The following KIFC1 variants were observed in gnomAD, a reference collection of about 807,000 sequenced individuals.
KIFC1 encodes kinesin-like protein KIFC1.
In KIFC1, 37 loss-of-function variants were observed where a neutral mutation model predicts 66.6. That is an observed-to-expected ratio of 0.56 (90% CI 0.43 to 0.73). KIFC1 has a LOEUF of 0.73. Ranked by LOEUF, KIFC1 falls within the 30% of genes least tolerant of loss-of-function variation. The pLI is 0.00. For synonymous variants in KIFC1, 325 were observed against 343.5 expected, an observed-to-expected ratio of 0.95 and a Z score of 0.60; for missense variants, 721 against 859.8, an observed-to-expected ratio of 0.84 and a Z score of 2.02.
intron 1 of KIFC1, among the ~76,000 whole-genome samples, chr6:33,395,222 C>T (rs1353914504): frequency 6.6e-6 from 1 of 152,028 alleles, no homozygotes; most frequent in Non-Finnish European, 1.5e-5. Flanking sequence ...CTGCGAAAGG[C>T]GGCAAGGAAA....
At chr6:33,397,153 T>G (rs1435127054) in intron 1 of KIFC1, among the ~76,000 whole-genome samples, 4 of 150,690 alleles carry the variant, frequency 2.7e-5, no homozygotes, top group African/African-American at 9.8e-5. Flanking sequence ...GCCTGGGTAA[T>G]TTTTGTAGAA....
chr6:33,401,453 TA>T lies in KIFC1; in HGVS notation c.251-1857del, dbSNP rs1416065017. 2.6e-5 allele frequency among the ~76,000 whole-genome samples: 4 copies of T among 152,184 alleles called. No individual in the cohort carries two copies. The highest frequency in any genetic ancestry group is 4.8e-5 in the African/African-American group (2 of 41,456). On this transcript the variant is annotated intron_variant, in intron 3 of 10. Coordinates refer to ENST00000428849, the MANE Select transcript of KIFC1 (RefSeq NM_002263.4). This position sits in a 1 kb window ranked among gnomAD's most constrained non-coding sequence, Gnocchi z 4.5. Reference sequence around the variant, plus strand: ...CCCGCCTGAAATTCTTTTTTTAATTTAAAATTTTATTTATTTGTATTTTTTC... The same window carrying T: ...CCCGCCTGAAATTCTTTTTTTAATTTAAATTTTATTTATTTGTATTTTTTC...
chr6:33,408,691 A>T (rs1000420976), intron 10 of KIFC1, among the ~76,000 whole-genome samples: 2 of 152,162 alleles, frequency 1.3e-5, no homozygotes, highest in African/African-American at 4.8e-5. Flanking sequence ...ATGAATGTTT[A>T]TCTGAGGGTT....
At position 33,406,550 on chromosome 6, in the gene KIFC1, C is replaced by T; in HGVS notation, c.1828-42C>T. Reference sequence around the variant, plus strand: ...ACAGTTGGGGTTGGCTGTGCAGAACCCTGCCTATTCCTAAACATCTGTCCC... The same window carrying T: ...ACAGTTGGGGTTGGCTGTGCAGAACTCTGCCTATTCCTAAACATCTGTCCC... On this transcript the variant is annotated intron_variant, in intron 8 of 10. Coordinates refer to ENST00000428849, the MANE Select transcript of KIFC1 (RefSeq NM_002263.4). The surrounding 1 kb of genome is among the most constrained non-coding windows in gnomAD (Gnocchi z 4.5). The T allele has an allele frequency of 6.2e-7, 1 of 1,613,392 alleles. No individual in the cohort carries two copies. The highest frequency in any genetic ancestry group is 8.5e-7 in the Non-Finnish European group (1 of 1,179,548).
chr6:33,398,199 T>TG (rs1252962085), intron 2 of KIFC1, 33 bp downstream of exon 2: 4 of 1,613,626 alleles, frequency 2.5e-6, no homozygotes, highest in Non-Finnish European at 2.5e-6. Flanking sequence ...TGCATGTGTG[T>TG]GGGGGGTGTG....
At position 33,405,459 on chromosome 6, in the gene KIFC1, A is replaced by C. The variant is rs993223554; in HGVS notation, c.1364A>C (p.Tyr455Ser). ...GAGCTGAGTGGTCAGGGCTGGACCT[A>C]CAGCTTTGTAGCAAGCTACGTAGAG... ...AQELSGQGWT[Y>S]SFVASYVEIY... Residue 455 changes from tyrosine to serine, a missense_variant, in exon 7 of 11, where the codon TAC (tyrosine) becomes TCC (serine). By Grantham distance (144) the Tyr-to-Ser change is moderately radical. Transcript: ENST00000428849. The surrounding 1 kb of genome is among the most constrained non-coding windows in gnomAD (Gnocchi z 5.4). The C allele has an allele frequency of 6.2e-7, 1 of 1,609,362 alleles. No homozygotes were observed. The highest frequency in any genetic ancestry group is 8.5e-7 in the Non-Finnish European group (1 of 1,177,246).
rs1483331849 is a variant in KIFC1, at chr6:33,406,889, C to T, written c.1977+14C>T. 6.2e-7 allele frequency: 1 copy of T among 1,613,974 alleles called. No individual in the cohort carries two copies. The highest frequency in any genetic ancestry group is 8.5e-7 in the Non-Finnish European group (1 of 1,180,010). ...TTTGCCTCCAAGGTGCGATTACCAC[C>T]CGTCAGCCTTGTCAGGACCCGTGGG... On this transcript the variant is annotated intron_variant, in intron 10 of 10. Coordinates refer to ENST00000428849, the MANE Select transcript of KIFC1 (RefSeq NM_002263.4). The surrounding 1 kb of genome is among the most constrained non-coding windows in gnomAD (Gnocchi z 4.5).
At chr6:33,392,875 C>T (rs1469229211) in intron 1 of KIFC1, among the ~76,000 whole-genome samples, 1 of 152,150 alleles carries the variant, frequency 6.6e-6, no homozygotes, top group Non-Finnish European at 1.5e-5. Flanking sequence ...ACATGCTAGG[C>T]GTGGTTGTAG....
chr6:33,392,105 G>A (rs1774816777), intron 1 of KIFC1, 108 bp downstream of exon 1: 1 of 1,241,630 alleles, frequency 8.1e-7, no homozygotes, highest in South Asian at 1.3e-5. Flanking sequence ...ATGTCTACCG[G>A]GAGAGCGAAG....
In KIFC1 at chr6:33,406,941, CCTTTT is replaced by C; in HGVS notation, c.1977+67_1977+71del. 6.2e-7 allele frequency: 1 copy of C among 1,604,394 alleles called. No individual in the cohort carries two copies. Among genetic ancestry groups the C allele is most frequent in the Non-Finnish European group, 8.5e-7 (1 of 1,174,640 alleles). The stretch of plus-strand genomic sequence containing the variant: ...GGTTGTAGGCTTCTCCATTCCAATC[CCTTTT>C]GTCTTCTAGGGCAGGGAGCACATTT... On this transcript the variant is annotated intron_variant, in intron 10 of 10. Coordinates refer to ENST00000428849, the MANE Select transcript of KIFC1 (RefSeq NM_002263.4). The surrounding 1 kb of genome is among the most constrained non-coding windows in gnomAD (Gnocchi z 4.5).
intron 1 of KIFC1, among the ~76,000 whole-genome samples, chr6:33,395,391 G>A (rs1196692426): frequency 2.0e-5 from 3 of 152,164 alleles, no homozygotes; most frequent in Non-Finnish European, 4.4e-5. Flanking sequence ...CCTGAAACTG[G>A]GAGGATTTGG....
chr6:33,399,422 C>A lies in KIFC1; in HGVS notation c.250+1035C>A, dbSNP rs2151086520. ...TATTCATGGAAAATAAAAAATAAAACCAAAAAATACAGTATAACAGTTATG... is the reference window on the plus strand; with the variant it reads ...TATTCATGGAAAATAAAAAATAAAAACAAAAAATACAGTATAACAGTTATG... On this transcript the variant is annotated intron_variant, in intron 3 of 10. Coordinates refer to ENST00000428849, the MANE Select transcript of KIFC1 (RefSeq NM_002263.4). Among the ~76,000 whole-genome samples, 3 of 151,826 alleles carry A rather than the reference C, an allele frequency of 2.0e-5. No homozygotes were observed. In the Middle Eastern group the frequency reaches 0.01, roughly 516 times the overall value.
chr6:33,393,326 G>A (rs1435939080), intron 1 of KIFC1, among the ~76,000 whole-genome samples: 4 of 151,930 alleles, frequency 2.6e-5, no homozygotes, highest in African/African-American at 4.8e-5. Flanking sequence ...TGTGGGGGTC[G>A]TTGTGAGGAC....
chr6:33,397,998 G>A (rs776650095), intron 1 of KIFC1, 31 bp from the exon 2 acceptor site: 2 of 1,610,374 alleles, frequency 1.2e-6, no homozygotes, highest in East Asian at 2.2e-5. Context: ...GGGCTCCTGG[G>A]TATTGTCTTA....
At chr6:33,402,319 A>G (rs1775411513) in intron 3 of KIFC1, among the ~76,000 whole-genome samples, 1 of 152,218 alleles carries the variant, frequency 6.6e-6, no homozygotes, top group Non-Finnish European at 1.5e-5. Context: ...TTACGGGGCT[A>G]CTGTTGTATA....
At position 33,405,473 on chromosome 6, in the gene KIFC1, A is replaced by G. The variant is rs1233876789; in HGVS notation, c.1378A>G (p.Ser460Gly). 3 of 1,611,158 alleles carry G rather than the reference A, an allele frequency of 1.9e-6. No homozygotes were observed. The highest frequency in any genetic ancestry group is 2.5e-6 in the Non-Finnish European group (3 of 1,178,406). ...GGGCTGGACCTACAGCTTTGTAGCA[A>G]GCTACGTAGAGATCTACAATGAGAC... ...GQGWTYSFVA[S>G]YVEIYNETVR... The change falls in exon 7 of 11, where the codon AGC (serine) becomes GGC (glycine). Residue 460 changes from serine to glycine, a missense_variant. Physicochemically the swap from Ser to Gly is moderately conservative, Grantham distance 56 (BLOSUM62 0). Transcript: ENST00000428849. The surrounding 1 kb of genome is among the most constrained non-coding windows in gnomAD (Gnocchi z 5.4).
chr6:33,396,713 G>A (rs1775060712), intron 1 of KIFC1, among the ~76,000 whole-genome samples: 2 of 148,356 alleles, frequency 1.3e-5, no homozygotes, highest in African/African-American at 2.5e-5. Context: ...CCGGAGTCTC[G>A]CTCTGTCACC....
chr6:33,397,242 G>T (rs1435428844), intron 1 of KIFC1, among the ~76,000 whole-genome samples: 1 of 150,408 alleles, frequency 6.6e-6, no homozygotes, highest in African/African-American at 2.5e-5. Flanking sequence ...CTCCCAAAAT[G>T]CTGGAATTAC....
At chr6:33,396,436 C>CTTTTTTT (rs199749552) in intron 1 of KIFC1, among the ~76,000 whole-genome samples, 46 of 116,242 alleles carry the variant, frequency 4.0e-4, no homozygotes, top group African/African-American at 1.4e-3. Flanking sequence ...CTTTTCTTTT[C>CTTTTTTT]TTTTTTTTTT....
Sources: gnomAD v4.1 joint callset for allele counts (sites outside exome capture counted in the v4.1 genomes callset) on GRCh38, gnomAD v4.1.1 for gene constraint, Gnocchi (gnomAD v3.1) non-coding constraint, MANE v1.5 for transcripts, NCBI Gene and HGNC (gene_info 2026-07-23, HGNC 2026-07-21) for gene names.